SNX25: variants seen among roughly 807,000 people sequenced by gnomAD.
SNX25 encodes sorting nexin-25.
Under a neutral mutation model 113.7 loss-of-function variants are expected in SNX25, and 62 were observed. The ratio of observed to expected loss-of-function variants is 0.55; its 90% CI spans 0.44 to 0.67. The LOEUF (loss-of-function observed/expected upper bound fraction) is 0.67. Ranked by LOEUF, SNX25 falls within the 30% of genes least tolerant of loss-of-function variation. SNX25 has a pLI of 0.00. For missense variants in SNX25, 1,014 were observed against 1,161.0 expected (o/e 0.87, Z 1.84); for synonymous variants, 421 against 436.2 (o/e 0.97, Z 0.43).
chr4:185,257,883 T>C (rs1000411012), intron 2 of SNX25, among the ~76,000 whole-genome samples: 14 of 152,236 alleles, frequency 9.2e-5, no homozygotes, highest in African/African-American at 3.4e-4. Flanking sequence ...TATCTAAGAC[T>C]GATTTATGGG....
chr4:185,309,668 C>A (rs147822028), intron 6 of SNX25, among the ~76,000 whole-genome samples: 2 of 152,206 alleles, frequency 1.3e-5, no homozygotes. Context: ...CTTGTCCTCT[C>A]TACTGGCCTG....
At chr4:185,255,164 C>T (rs1008910020) in intron 2 of SNX25, among the ~76,000 whole-genome samples, 19 of 151,608 alleles carry the variant, frequency 1.3e-4, no homozygotes, top group Admixed American at 8.5e-4. Context: ...GACAGAGTCT[C>T]GCTCTGTCGC....
chr4:185,375,766 A>G, the SNX25 span: 1 of 1,374,660 alleles, frequency 7.3e-7, no homozygotes, highest in Non-Finnish European at 1.0e-6. Flanking sequence ...TTTTATTATG[A>G]TCTTAAAGTA....
At chr4:185,212,121 C>T (rs1208160080) in intron 1 of SNX25, among the ~76,000 whole-genome samples, 1 of 151,780 alleles carries the variant, frequency 6.6e-6, no homozygotes, top group African/African-American at 2.4e-5. Context: ...CCTTGAATTC[C>T]TAAAATAGCC....
chr4:185,351,627 T>A lies in SNX25; in HGVS notation c.2466+18T>A. 1 of 1,611,094 alleles carries A rather than the reference T, an allele frequency of 6.2e-7. No individual in the cohort carries two copies. The highest frequency in any genetic ancestry group is 8.5e-7 in the Non-Finnish European group (1 of 1,178,728). On this transcript the variant is annotated intron_variant, in intron 14 of 18. Coordinates refer to ENST00000652585, the MANE Select transcript of SNX25 (RefSeq NM_001378034.2). ...ACCAGGAGGTGAGCCGTTGAAAGAG[T>A]GAACCACTTTTGTAGTGTATTTCAG...
At chr4:185,257,192 A>C (rs1359225230) in intron 2 of SNX25, among the ~76,000 whole-genome samples, 1 of 152,016 alleles carries the variant, frequency 6.6e-6, no homozygotes, top group Non-Finnish European at 1.5e-5. Flanking sequence ...AAAAAAAAAA[A>C]AAACCTCTGA....
intron 5 of SNX25, 123 bp downstream of exon 5, chr4:185,267,278 C>A: frequency 1.1e-6 from 1 of 927,954 alleles, no homozygotes; most frequent in Non-Finnish European, 1.6e-6. Flanking sequence ...ATAAATCTTA[C>A]TATTTAGTGA....
At chr4:185,242,953 T>C (rs1744291453) in intron 1 of SNX25, among the ~76,000 whole-genome samples, 2 of 152,286 alleles carry the variant, frequency 1.3e-5, no homozygotes, top group Non-Finnish European at 1.5e-5. Flanking sequence ...TTTTTTCTCT[T>C]TCCTGTTCTC....
At chr4:185,375,758 T>C in the SNX25 span, 2 of 1,447,906 alleles carry the variant, frequency 1.4e-6, no homozygotes, top group African/African-American at 1.4e-5. Context: ...TTAATTATTT[T>C]TATTATGATC....
chr4:185,336,216 T>G (rs1217174065), intron 10 of SNX25, among the ~76,000 whole-genome samples: 5 of 152,232 alleles, frequency 3.3e-5, no homozygotes, highest in East Asian at 1.9e-4. Flanking sequence ...AGGTGGTGTT[T>G]GGTTACATGA....
chr4:185,225,002 G>A (rs1489950866), intron 1 of SNX25, among the ~76,000 whole-genome samples: 1 of 151,600 alleles, frequency 6.6e-6, no homozygotes, highest in African/African-American at 2.4e-5. Context: ...TGTTGCTATT[G>A]GACTGGTCAT....
rs74976277 is a variant in SNX25 at position 185,305,818 on chromosome 4, G to A, written c.1163-4817G>A. Among the ~76,000 whole-genome samples, 429 of 152,132 alleles carry A rather than the reference G, an allele frequency of 2.8e-3. 4 individuals carry two copies. The highest frequency in any genetic ancestry group is 9.9e-3 in the African/African-American group (412 of 41,510). ...GTAAATATTTGAACTAATTGCTTTG[G>A]AATATTATAGGTTAGTGCGAAAGTA... On this transcript the variant is annotated intron_variant, in intron 6 of 18. Transcript: ENST00000652585.
At chr4:185,311,129 T>C (rs1312055501) in intron 7 of SNX25, among the ~76,000 whole-genome samples, 1 of 152,170 alleles carries the variant, frequency 6.6e-6, no homozygotes, top group Non-Finnish European at 1.5e-5. Context: ...CAATCAAGTT[T>C]CCCATTATCA....
chr4:185,285,877 A>G (rs1405204936), intron 5 of SNX25, among the ~76,000 whole-genome samples: 2 of 151,886 alleles, frequency 1.3e-5, no homozygotes, highest in Non-Finnish European at 2.9e-5. Flanking sequence ...GGCTCAAGTG[A>G]TCCTCCTGCC....
intron 1 of SNX25, among the ~76,000 whole-genome samples, chr4:185,220,560 C>T (rs1385397741): frequency 2.7e-5 from 4 of 146,310 alleles, no homozygotes; most frequent in Non-Finnish European, 6.0e-5. Flanking sequence ...CGGCTTACTA[C>T]AACCTCTGCC....
At chr4:185,296,262 C>T (rs753313956) in intron 6 of SNX25, among the ~76,000 whole-genome samples, 4 of 152,172 alleles carry the variant, frequency 2.6e-5, no homozygotes, top group Admixed American at 6.6e-5. Flanking sequence ...GGGACACAAA[C>T]ATTCAAACCA....
At chr4:185,367,809 A>G (rs1219386040), downstream of SNX25, among the ~76,000 whole-genome samples, 1 of 152,162 alleles carries the variant, frequency 6.6e-6, no homozygotes, top group African/African-American at 2.4e-5. Flanking sequence ...GAAGTTACAC[A>G]TTCTACATAT....
chr4:185,377,078 G>A, the SNX25 span: 3 of 1,181,158 alleles, frequency 2.5e-6, no homozygotes, highest in African/African-American at 3.0e-5. Context: ...CTCTCTTGAA[G>A]TAATGAATCA....
At chr4:185,376,422 G>A in the SNX25 span, among the ~76,000 whole-genome samples, 1 of 148,654 alleles carries the variant, frequency 6.7e-6, no homozygotes, top group African/African-American at 2.5e-5. Flanking sequence ...GATTACAGAT[G>A]TGTGCCACCA....
Sources: allele counts gnomAD v4.1 joint callset (sites outside exome capture counted in the v4.1 genomes callset), GRCh38; gene constraint gnomAD v4.1.1; transcripts MANE v1.5; gene names NCBI Gene and HGNC (gene_info 2026-07-23, HGNC 2026-07-21).